Variants in NRSN1 observed in about 807,000 individuals in gnomAD.
The protein encoded by NRSN1 is neurensin 1.
In NRSN1, 14 loss-of-function variants were observed where a neutral mutation model predicts 17.3. The observed-to-expected ratio is 0.81, with a 90% CI of 0.54 to 1.27. The LOEUF is 1.27. Ranked by LOEUF, NRSN1 falls within the 50% of genes most tolerant of loss-of-function variation. The probability of loss-of-function intolerance (pLI) is 0.00; values close to 1 mark genes in which losing one functional copy is unlikely to be tolerated. For synonymous variants in NRSN1, 79 were observed against 94.2 expected (o/e 0.84, Z 0.93); for missense variants, 209 against 235.9 (o/e 0.89, Z 0.75).
At chr6:24,132,390 T>C (rs1760047875) in intron 2 of NRSN1, among the ~76,000 whole-genome samples, 1 of 152,254 alleles carries the variant, frequency 6.6e-6, no homozygotes, top group African/African-American at 2.4e-5. Flanking sequence ...AGCTGGTTGC[T>C]TGATAAGTAA....
chr6:24,130,268 TTC>T (rs1309777505), intron 2 of NRSN1, among the ~76,000 whole-genome samples: 2 of 152,198 alleles, frequency 1.3e-5, no homozygotes, highest in Admixed American at 6.5e-5. Context: ...TAGCTTCTGT[TTC>T]TGTCTCAATT....
At chr6:24,139,533 G>C (rs956899086) in intron 3 of NRSN1, among the ~76,000 whole-genome samples, 1 of 152,174 alleles carries the variant, frequency 6.6e-6, no homozygotes, top group Admixed American at 6.5e-5. Flanking sequence ...AGAGAAAATG[G>C]GAAGGAAGTG....
intron 3 of NRSN1, among the ~76,000 whole-genome samples, chr6:24,144,979 T>TA (rs1230787866): frequency 1.4e-3 from 200 of 144,656 alleles, no homozygotes; most frequent in South Asian, 3.0e-3. Context: ...TGTACAAATT[T>TA]AAAAAAAAAA....
intron 3 of NRSN1, among the ~76,000 whole-genome samples, chr6:24,139,657 T>C (rs1402021032): frequency 6.6e-6 from 1 of 152,156 alleles, no homozygotes; most frequent in Admixed American, 6.5e-5. Context: ...AGATCCAGGC[T>C]GGAGTTGGAG....
At chr6:24,132,826 TA>T (rs1760057228) in intron 2 of NRSN1, among the ~76,000 whole-genome samples, 1 of 152,188 alleles carries the variant, frequency 6.6e-6, no homozygotes, top group African/African-American at 2.4e-5. Flanking sequence ...GTATTTGTCC[TA>T]ATGCTCTCCA....
At chr6:24,139,780 G>T (rs1419629493) in intron 3 of NRSN1, among the ~76,000 whole-genome samples, 3 of 152,218 alleles carry the variant, frequency 2.0e-5, no homozygotes, top group African/African-American at 7.2e-5. Flanking sequence ...TCCTGAACCA[G>T]ACGTGGTGGT....
At position 24,145,817 on chromosome 6, in the gene NRSN1, G is replaced by C. The variant is rs1760294626; in HGVS notation, c.459G>C (p.Lys153Asn). ...YSKEEKFLQQ[K>N]FKERIADIKA... is the part of the protein sequence containing the mutation. ...AAGAAGAAAAATTCCTCCAGCAGAA[G>C]TTTAAAGAACGAATCGCAGACATCA... Residue 153 changes from lysine to asparagine, a missense_variant, in exon 4 of 4, where the codon AAG (lysine) becomes AAC (asparagine). Transcript: ENST00000378491. The surrounding 1 kb of genome is among the most constrained non-coding windows in gnomAD (Gnocchi z 4.4). 6.2e-7 allele frequency: 1 copy of C among 1,614,198 alleles called. No homozygotes were observed. Among genetic ancestry groups the C allele is most frequent in the African/African-American group, 1.3e-5 (1 of 75,060 alleles).
intron 3 of NRSN1, among the ~76,000 whole-genome samples, chr6:24,140,138 C>T (rs1760179458): frequency 6.6e-6 from 1 of 152,126 alleles, no homozygotes; most frequent in South Asian, 2.1e-4. Flanking sequence ...TTAGATTTGA[C>T]ATTAGATTTG....
In NRSN1 at chr6:24,146,014, G is replaced by T; in HGVS notation, c.*68G>T. On this transcript the variant is annotated 3_prime_UTR_variant, in exon 4 of 4. Transcript: ENST00000378491. ...GGTTAAAAAGAGCAGGCCAGTTTTC[G>T]AGATAAAGAAGATTTGGCGTTGACT... 6.7e-7 allele frequency: 1 copy of T among 1,502,540 alleles called. No homozygotes were observed. The highest frequency in any genetic ancestry group is 1.2e-5 in the South Asian group (1 of 81,912). The allele number at this position is 1,502,540 out of a possible 1,614,324, so 93.1% of individuals were successfully genotyped here. A position where few individuals can be genotyped will look rare whatever the true frequency, so the allele number is the denominator to read the frequency against.
chr6:24,133,046 CT>C (rs976594808), intron 2 of NRSN1, among the ~76,000 whole-genome samples: 2 of 151,896 alleles, frequency 1.3e-5, no homozygotes, highest in African/African-American at 2.4e-5. Context: ...GTAATTCTTT[CT>C]TTTTTTTAAC....
intron 3 of NRSN1, among the ~76,000 whole-genome samples, chr6:24,142,530 C>T (rs1178259399): frequency 1.3e-5 from 2 of 152,144 alleles, no homozygotes; most frequent in South Asian, 2.1e-4. Flanking sequence ...GTGATCTCGG[C>T]TCACTGCAAC....
At position 24,126,291 on chromosome 6, in the gene NRSN1, C is replaced by T. The variant is rs1225761236; in HGVS notation, c.-132C>T. 1 of 171,610 alleles carries T rather than the reference C, an allele frequency of 5.8e-6. No homozygotes were observed. Among genetic ancestry groups the T allele is most frequent in the Non-Finnish European group, 1.2e-5 (1 of 82,094 alleles). 10.6% of individuals were successfully genotyped at this position (171,610 alleles called of 1,614,324 possible). On this transcript the variant is annotated 5_prime_UTR_variant, in exon 1 of 4. Transcript: ENST00000378491. Reference sequence around the variant, plus strand: ...CGGCGATGGGACCCCAGCGAGAGATCTGCAGCTAGGCTGGCTGCACTTGCT... The same window carrying T: ...CGGCGATGGGACCCCAGCGAGAGATTTGCAGCTAGGCTGGCTGCACTTGCT...
chr6:24,145,000 T>C (rs978374164), intron 3 of NRSN1, among the ~76,000 whole-genome samples: 2 of 147,336 alleles, frequency 1.4e-5, no homozygotes, highest in African/African-American at 4.9e-5. Flanking sequence ...GATATTTATA[T>C]ATATATTTAC....
Position 24,131,505 on chromosome 6 carries a change from A to G in NRSN1, c.-9-2814A>G, listed in dbSNP as rs143309769. 2.4e-4 allele frequency among the ~76,000 whole-genome samples: 37 copies of G among 152,304 alleles called. No individual in the cohort carries two copies. The East Asian group carries it at 5.8e-3, about 24-fold the overall frequency. ...ATATTTAGAGGAGGTGGTTCTGACT[A>G]TGCAAGTATATGATTCAGTCCATAC... On this transcript the variant is annotated intron_variant, in intron 2 of 3. Coordinates refer to ENST00000378491, the MANE Select transcript of NRSN1 (RefSeq NM_080723.5).
chr6:24,143,073 C>T (rs770715800), intron 3 of NRSN1, among the ~76,000 whole-genome samples: 6 of 152,080 alleles, frequency 3.9e-5, no homozygotes, highest in Non-Finnish European at 8.8e-5. Flanking sequence ...TTTAGCTAGC[C>T]ACAGAGTGCT....
At chr6:24,144,853 G>T (rs572062846) in intron 3 of NRSN1, among the ~76,000 whole-genome samples, 2 of 151,868 alleles carry the variant, frequency 1.3e-5, no homozygotes, top group African/African-American at 2.4e-5. Context: ...TTCTAACAAT[G>T]TCGAGGCCTA....
intron 3 of NRSN1, among the ~76,000 whole-genome samples, chr6:24,139,466 C>T (rs1728065325): frequency 6.6e-6 from 1 of 152,134 alleles, no homozygotes; most frequent in South Asian, 2.1e-4. Flanking sequence ...ATTTAATATC[C>T]ACCACTATGA....
rs530897500 is a variant in NRSN1, at chr6:24,146,553, T to G, written c.*607T>G. 9 of 330,306 alleles carry G rather than the reference T, an allele frequency of 2.7e-5. No homozygotes were observed. In the East Asian group the frequency reaches 5.0e-4, roughly 18 times the overall value. The allele number at this position is 330,306 out of a possible 1,614,324, so 20.5% of individuals were successfully genotyped here. ...TGAGATGAAGTGCTGTTCTTTTGCCTAGGTTGGAGTACAGCGGTGAAATCA... is the reference window on the plus strand; with the variant it reads ...TGAGATGAAGTGCTGTTCTTTTGCCGAGGTTGGAGTACAGCGGTGAAATCA... On this transcript the variant is annotated 3_prime_UTR_variant, in exon 4 of 4. Coordinates refer to ENST00000378491, the MANE Select transcript of NRSN1 (RefSeq NM_080723.5).
chr6:24,126,810 G>A (rs545228148), intron 1 of NRSN1, among the ~76,000 whole-genome samples: 3 of 152,304 alleles, frequency 2.0e-5, no homozygotes, highest in Non-Finnish European at 4.4e-5. Context: ...GTGTTTTGGC[G>A]TGATCTCAGG....
Sources: gnomAD v4.1 joint callset for allele counts (sites outside exome capture counted in the v4.1 genomes callset) on GRCh38, gnomAD v4.1.1 for gene constraint, Gnocchi (gnomAD v3.1) non-coding constraint, MANE v1.5 for transcripts, NCBI Gene and HGNC (gene_info 2026-07-23, HGNC 2026-07-21) for gene names.